The following HEXA variants were observed in gnomAD, a reference collection of about 807,000 sequenced individuals.
HEXA encodes hexosaminidase subunit alpha, also known as beta-hexosaminidase subunit alpha.
In HEXA, 54 loss-of-function variants were observed where a neutral mutation model predicts 73.3. That is an observed-to-expected ratio of 0.74 (90% confidence interval 0.59 to 0.92). The LOEUF (loss-of-function observed/expected upper bound fraction) is 0.92, where lower values mean the gene tolerates loss of function less well. HEXA is among the 40% of genes least tolerant of loss of function. The pLI is 0.00. For missense variants in HEXA, 649 were observed against 653.0 expected (o/e 0.99, Z 0.07); for synonymous variants, 230 against 246.9 (o/e 0.93, Z 0.64).
At chr15:72,353,596 G>T in intron 4 of HEXA, 95 bp downstream of exon 4, 1 of 936,790 alleles carries the variant, frequency 1.1e-6, no homozygotes, top group Non-Finnish European at 1.8e-6. Context: ...AAGCCACCAG[G>T]ATCCTAAGGC....
rs1177474966 is a variant in HEXA at position 72,367,722 on chromosome 15, T to C, written c.253+7998A>G. On this transcript the variant is annotated intron_variant, in intron 1 of 13. Transcript: ENST00000268097. The stretch of plus-strand genomic sequence containing the variant: ...CAGAACTTGCTGATCCACCCTAGAG[T>C]TGTGTACTTCAGCTAGACACCTTGA... Among the ~76,000 whole-genome samples, 4 of 152,194 alleles carry C rather than the reference T, an allele frequency of 2.6e-5. No homozygotes were observed. The South Asian group carries it at 6.2e-4, about 24-fold the overall frequency.
chr15:72,352,288 A>G (rs931900861), intron 5 of HEXA, among the ~76,000 whole-genome samples: 4 of 151,928 alleles, frequency 2.6e-5, no homozygotes, highest in African/African-American at 7.2e-5. Context: ...TCTCTCTCCT[A>G]TGACCTTGTT....
chr15:72,355,132 A>C (rs2088757652), intron 3 of HEXA: 1 of 286,550 alleles, frequency 3.5e-6, no homozygotes, highest in Non-Finnish European at 6.8e-6. Flanking sequence ...AGAGCCCCTG[A>C]CTAGGGCAGC....
chr15:72,375,293 T>G (rs955583884), intron 1 of HEXA, among the ~76,000 whole-genome samples: 2 of 152,160 alleles, frequency 1.3e-5, no homozygotes, highest in Admixed American at 6.5e-5. Flanking sequence ...TTTCACTATG[T>G]TGGCCGGGCT....
At chr15:72,344,586 G>A (rs971534598) in intron 13 of HEXA, among the ~76,000 whole-genome samples, 1 of 152,152 alleles carries the variant, frequency 6.6e-6, no homozygotes, top group African/African-American at 2.4e-5. Flanking sequence ...ACATGGATGC[G>A]AAATCCTGTC....
At chr15:72,367,717 T>C (rs934145621) in intron 1 of HEXA, among the ~76,000 whole-genome samples, 6 of 152,238 alleles carry the variant, frequency 3.9e-5, no homozygotes, top group Non-Finnish European at 8.8e-5. Flanking sequence ...TGATCCACCC[T>C]AGAGTTGTGT....
intron 1 of HEXA, chr15:72,362,493 C>T: frequency 2.2e-6 from 1 of 455,322 alleles, no homozygotes; most frequent in Non-Finnish European, 4.4e-6. Context: ...TGTTGGAATT[C>T]AAAAAATGCA....
chr15:72,353,023 A>G (rs1217785315), intron 5 of HEXA, 45 bp downstream of exon 5: 2 of 1,158,800 alleles, frequency 1.7e-6, no homozygotes, highest in Non-Finnish European at 2.6e-6. Flanking sequence ...TTGCTCCATC[A>G]CCCTAGAACT....
chr15:72,347,975 G>T, intron 9 of HEXA, 73 bp downstream of exon 9: 1 of 1,118,070 alleles, frequency 8.9e-7, no homozygotes, highest in South Asian at 1.3e-5. Context: ...AGCAGGGCCT[G>T]ACTCGGTATG....
chr15:72,372,279 G>A (rs1362768938), intron 1 of HEXA, among the ~76,000 whole-genome samples: 1 of 151,828 alleles, frequency 6.6e-6, no homozygotes, highest in Non-Finnish European at 1.5e-5. Context: ...AACCCAGGAG[G>A]TGGAGGTTGC....
At chr15:72,344,715 A>C (rs542588477) in intron 13 of HEXA, among the ~76,000 whole-genome samples, 1 of 152,214 alleles carries the variant, frequency 6.6e-6, no homozygotes, top group Admixed American at 6.5e-5. Flanking sequence ...AGTGAATGAC[A>C]TAATTGAGGC....
At chr15:72,367,854 C>G (rs1394298737) in intron 1 of HEXA, among the ~76,000 whole-genome samples, 1 of 152,218 alleles carries the variant, frequency 6.6e-6, no homozygotes, top group Non-Finnish European at 1.5e-5. Context: ...ACTTTTAGAT[C>G]TCCTTCAACA....
Position 72,349,087 on chromosome 15 carries a change from GA to G in HEXA, c.977del (p.Phe326SerfsTer14), listed in dbSNP as rs756040251. 1 of 1,613,648 alleles carries G rather than the reference GA, an allele frequency of 6.2e-7. No homozygotes were observed. Among genetic ancestry groups the G allele is most frequent in the Non-Finnish European group, 8.5e-7 (1 of 1,179,590 alleles). On this transcript the variant is annotated frameshift_variant, in exon 8 of 14. Coordinates refer to ENST00000268097, the MANE Select transcript of HEXA (RefSeq NM_000520.6). LOFTEE classifies it high-confidence loss of function. ...GATCAAAGGGCTCATACCAGCAGGTGAAATCAACCTCATCTCCTCCAAGATG... is the reference window on the plus strand; with the variant it reads ...GATCAAAGGGCTCATACCAGCAGGTGAATCAACCTCATCTCCTCCAAGATG... ...YLHLGGDEVD[F>X]TCWKSNPEIQ... is the part of the protein sequence containing the mutation.
chr15:72,344,045 C>A lies in HEXA; in HGVS notation c.*32G>T. ...GAAGCCTGGCTCCACTACCATTCACCTACAGCCAGCACCCTCCTCGGTGCC... is the reference window on the plus strand; with the variant it reads ...GAAGCCTGGCTCCACTACCATTCACATACAGCCAGCACCCTCCTCGGTGCC... On this transcript the variant is annotated 3_prime_UTR_variant, in exon 14 of 14. Transcript: ENST00000268097. The A allele has an allele frequency of 6.3e-7, 1 of 1,596,028 alleles. No homozygotes were observed. Among genetic ancestry groups the A allele is most frequent in the Non-Finnish European group, 8.6e-7 (1 of 1,163,838 alleles).
intron 12 of HEXA, chr15:72,345,871 A>G (rs1308129522): frequency 1.5e-5 from 8 of 521,382 alleles, no homozygotes; most frequent in Non-Finnish European, 2.8e-5. Flanking sequence ...AACTTTGCAC[A>G]CCCAACCATA....
chr15:72,354,040 A>G (rs2140327048), intron 3 of HEXA: 1 of 483,208 alleles, frequency 2.1e-6, no homozygotes. Context: ...TCACAAGAAT[A>G]TTGAGAAGAG....
chr15:72,350,841 T>C, intron 6 of HEXA, 191 bp from the exon 7 acceptor site: 1 of 649,052 alleles, frequency 1.5e-6, no homozygotes. Context: ...CTGAGTATCA[T>C]AATGCCAGTG....
chr15:72,361,507 G>C (rs2088852817), intron 1 of HEXA, among the ~76,000 whole-genome samples: 1 of 152,112 alleles, frequency 6.6e-6, no homozygotes, highest in South Asian at 2.1e-4. Flanking sequence ...TGGAGCTCTA[G>C]ACTTGTACAC....
Position 72,345,568 on chromosome 15 carries a change from T to C in HEXA, c.1422-18A>G. On this transcript the variant is annotated intron_variant, in intron 12 of 13. Coordinates refer to ENST00000268097, the MANE Select transcript of HEXA (RefSeq NM_000520.6). ...CTCTGGGCCTGGAGGAAAAGGGGCA[T>C]GTGCCAGATTGGGCCCTGTATTCCC... 1 of 1,613,812 alleles carries C rather than the reference T, an allele frequency of 6.2e-7. No individual in the cohort carries two copies. The highest frequency in any genetic ancestry group is 1.1e-5 in the South Asian group (1 of 90,992).
Sources: gnomAD v4.1 joint callset for allele counts (sites outside exome capture counted in the v4.1 genomes callset) on GRCh38, gnomAD v4.1.1 for gene constraint, MANE v1.5 for transcripts, NCBI Gene and HGNC (gene_info 2026-07-23, HGNC 2026-07-21) for gene names.